DLC1: variants seen among roughly 807,000 people sequenced by gnomAD.
DLC1 encodes the protein rho GTPase-activating protein 7.
A neutral mutation model predicts 140.3 loss-of-function variants in DLC1; 54 were observed. The observed-to-expected ratio is 0.38, with a 90% CI of 0.31 to 0.48. The LOEUF is 0.48. DLC1 is among the 20% of genes least tolerant of loss of function. The pLI, the probability that DLC1 is intolerant of heterozygous loss-of-function variation, is 0.96. For synonymous variants in DLC1, 986 were observed against 728.1 expected, an observed-to-expected ratio of 1.35 and a Z score of -5.70; for missense variants, 2,536 against 1,907.0, an observed-to-expected ratio of 1.33 and a Z score of -6.14.
intron 4 of DLC1, among the ~76,000 whole-genome samples, chr8:13,358,817 C>T (rs774004782): frequency 3.3e-5 from 5 of 152,172 alleles, no homozygotes; most frequent in Admixed American, 6.5e-5. Flanking sequence ...GGTATATACT[C>T]AGTGACAAAG....
intron 5 of DLC1, among the ~76,000 whole-genome samples, chr8:13,155,302 C>A (rs769447295): frequency 6.6e-6 from 1 of 151,492 alleles, no homozygotes; most frequent in Non-Finnish European, 1.5e-5. Flanking sequence ...AGTAAATATC[C>A]TGGTGCCTGT....
intron 5 of DLC1, among the ~76,000 whole-genome samples, chr8:13,140,891 C>G (rs112243308): frequency 5.3e-5 from 8 of 152,140 alleles, no homozygotes; most frequent in African/African-American, 1.9e-4. Flanking sequence ...AAAAAATATT[C>G]TAGCTGTCTT....
rs147018614 is a variant in DLC1, at chr8:13,455,760, C to G, written c.1023+43289G>C. Among the ~76,000 whole-genome samples, 684 of 152,242 alleles carry G rather than the reference C, an allele frequency of 4.5e-3. 5 individuals carry two copies. Among genetic ancestry groups the G allele is most frequent in the African/African-American group, 0.016 (647 of 41,556 alleles). ...GCAAGGTGGCTCATGCATGTAATCC[C>G]AGCACTTTGAGAGGCCAAGGCTGGA... On this transcript the variant is annotated intron_variant, in intron 2 of 17. Coordinates refer to ENST00000276297, the MANE Select transcript of DLC1 (RefSeq NM_182643.3).
At chr8:13,523,003 AAT>A (rs1321429455) in intron 1 of DLC1, among the ~76,000 whole-genome samples, 1 of 152,032 alleles carries the variant, frequency 6.6e-6, no homozygotes, top group Non-Finnish European at 1.5e-5. Context: ...AGAGAGGGAG[AAT>A]ATCTCAAGTT....
chr8:13,237,647 A>G (rs1414934203), intron 5 of DLC1, among the ~76,000 whole-genome samples: 2 of 151,914 alleles, frequency 1.3e-5, no homozygotes, highest in African/African-American at 2.4e-5. Flanking sequence ...AAACTCCACT[A>G]TATCACTGCG....
At chr8:13,192,527 C>T (rs1826820309) in intron 5 of DLC1, among the ~76,000 whole-genome samples, 1 of 152,106 alleles carries the variant, frequency 6.6e-6, no homozygotes, top group Admixed American at 6.5e-5. Flanking sequence ...CTCCTCTCCC[C>T]CAGCACTGCA....
chr8:13,354,544 G>T (rs924323535), intron 4 of DLC1, among the ~76,000 whole-genome samples: 1 of 152,042 alleles, frequency 6.6e-6, no homozygotes, highest in South Asian at 2.1e-4. Context: ...AACTGAACTT[G>T]TTTGGTTAAA....
At chr8:13,410,031 C>T (rs1837719728) in intron 2 of DLC1, among the ~76,000 whole-genome samples, 1 of 152,096 alleles carries the variant, frequency 6.6e-6, no homozygotes, top group African/African-American at 2.4e-5. Flanking sequence ...ATTAGAGTCT[C>T]ACCTAGGGTA....
intron 2 of DLC1, among the ~76,000 whole-genome samples, chr8:13,418,469 G>T (rs990442325): frequency 6.6e-6 from 1 of 152,136 alleles, no homozygotes; most frequent in Non-Finnish European, 1.5e-5. Flanking sequence ...TATTAAATAG[G>T]GAATCCTTTC....
At chr8:13,298,756 T>C (rs1832063290) in intron 5 of DLC1, among the ~76,000 whole-genome samples, 1 of 152,160 alleles carries the variant, frequency 6.6e-6, no homozygotes, top group Non-Finnish European at 1.5e-5. Context: ...AATAACCTGT[T>C]AGGCACTATG....
At chr8:13,296,256 A>T (rs970687021) in intron 5 of DLC1, among the ~76,000 whole-genome samples, 1 of 152,102 alleles carries the variant, frequency 6.6e-6, no homozygotes, top group Non-Finnish European at 1.5e-5. Flanking sequence ...ATGCCCAGCC[A>T]GATTTTGAAC....
intron 1 of DLC1, among the ~76,000 whole-genome samples, chr8:13,559,775 A>G (rs548620628): frequency 6.6e-6 from 1 of 152,332 alleles, no homozygotes; most frequent in African/African-American, 2.4e-5. Flanking sequence ...ATTCAAATTA[A>G]TGGCACATTT....
chr8:13,394,731 A>G (rs1368302055), intron 3 of DLC1, among the ~76,000 whole-genome samples: 1 of 152,150 alleles, frequency 6.6e-6, no homozygotes, highest in African/African-American at 2.4e-5. Context: ...TAGCTTTGCC[A>G]TTCTCTTGTT....
chr8:13,105,612 A>C (rs1413519067), intron 7 of DLC1, among the ~76,000 whole-genome samples: 2 of 142,876 alleles, frequency 1.4e-5, no homozygotes, highest in African/African-American at 5.2e-5. Flanking sequence ...TTTTTTGGAG[A>C]CAGTCTTGCT....
intron 1 of DLC1, among the ~76,000 whole-genome samples, chr8:13,532,175 C>G (rs989172000): frequency 1.3e-5 from 2 of 152,158 alleles, no homozygotes; most frequent in African/African-American, 4.8e-5. Flanking sequence ...GAGCCTTAGG[C>G]AGGGGGATAG....
chr8:13,152,824 G>GAGAAAAAAAAAA (rs1554451776), intron 5 of DLC1, among the ~76,000 whole-genome samples: 2 of 91,346 alleles, frequency 2.2e-5, no homozygotes, highest in African/African-American at 8.5e-5. Context: ...CTCTGGGGAA[G>GAGAAAAAAAAAA]AAAAAAAAAA....
chr8:13,237,102 T>C (rs949159565), intron 5 of DLC1, among the ~76,000 whole-genome samples: 4 of 151,696 alleles, frequency 2.6e-5, no homozygotes, highest in African/African-American at 4.8e-5. Flanking sequence ...ATATCTCTTC[T>C]GTTGTTTTGC....
intron 1 of DLC1, among the ~76,000 whole-genome samples, chr8:13,593,439 G>A (rs1805585493): frequency 6.6e-6 from 1 of 152,094 alleles, no homozygotes; most frequent in African/African-American, 2.4e-5. Flanking sequence ...ATGTTGAGTG[G>A]ACGTTATATG....
intron 2 of DLC1, among the ~76,000 whole-genome samples, chr8:13,453,753 T>G (rs1043639752): frequency 5.9e-5 from 9 of 151,340 alleles, no homozygotes; most frequent in Non-Finnish European, 1.0e-4. Context: ...TAGTACTTTG[T>G]TATAATTGTA....
Sources: gnomAD v4.1 joint callset for allele counts (sites outside exome capture counted in the v4.1 genomes callset) on GRCh38, gnomAD v4.1.1 for gene constraint, MANE v1.5 for transcripts, NCBI Gene and HGNC (gene_info 2026-07-23, HGNC 2026-07-21) for gene names.